The following PPP3CA variants were observed in gnomAD, a reference collection of about 807,000 sequenced individuals.
PPP3CA encodes CAM-PRP catalytic subunit.
Under a neutral mutation model 66.5 loss-of-function variants are expected in PPP3CA, and 14 were observed. That is an observed-to-expected ratio of 0.21 (90% confidence interval 0.14 to 0.33). PPP3CA has a LOEUF of 0.33. PPP3CA is among the 10% of genes least tolerant of loss of function. The pLI is 1.00. For synonymous variants in PPP3CA, 232 were observed against 226.2 expected, an observed-to-expected ratio of 1.03 and a Z score of -0.23; for missense variants, 317 against 639.5, an observed-to-expected ratio of 0.50 and a Z score of 5.44.
At chr4:101,216,505 C>T (rs1725458994) in intron 1 of PPP3CA, among the ~76,000 whole-genome samples, 1 of 152,044 alleles carries the variant, frequency 6.6e-6, no homozygotes, top group Admixed American at 6.6e-5. Context: ...TCAATTGCTA[C>T]AAAAATGGCC....
chr4:101,024,668 C>T lies in PPP3CA; in HGVS notation c.*1197G>A, dbSNP rs529406221. ...GCATTTAGAGTTTCACATGTAACTA[C>T]AAACTTATTATAATTTCACAAGGTT... On this transcript the variant is annotated 3_prime_UTR_variant, in exon 14 of 14. Coordinates refer to ENST00000394854, the MANE Select transcript of PPP3CA (RefSeq NM_000944.5). The T allele has an allele frequency of 6.5e-6, 1 of 152,710 alleles. No individual in the cohort carries two copies. The highest frequency in any genetic ancestry group is 2.4e-5 in the African/African-American group (1 of 41,562). 9.5% of individuals were successfully genotyped at this position (152,710 alleles called of 1,614,324 possible).
Position 101,040,065 on chromosome 4 carries a change from G to A in PPP3CA, c.1241+417C>T, listed in dbSNP as rs531593938. ...AGAATAACATAGATTCACATGAACA[G>A]CTTTATGGCTGATGTTCATTTCCTA... On this transcript the variant is annotated intron_variant, in intron 11 of 13. Coordinates refer to ENST00000394854, the MANE Select transcript of PPP3CA (RefSeq NM_000944.5). Among the ~76,000 whole-genome samples the A allele has an allele frequency of 5.9e-5, 9 of 152,178 alleles. No individual in the cohort carries two copies. In the East Asian group the frequency reaches 1.7e-3, roughly 29 times the overall value.
At chr4:101,310,814 T>A (rs949065381) in intron 1 of PPP3CA, among the ~76,000 whole-genome samples, 4 of 152,150 alleles carry the variant, frequency 2.6e-5, no homozygotes, top group African/African-American at 9.7e-5. Context: ...GAGCAAAGGA[T>A]CTTATTCAAA....
At chr4:101,094,562 T>G (rs766936458) in intron 5 of PPP3CA, among the ~76,000 whole-genome samples, 9 of 152,160 alleles carry the variant, frequency 5.9e-5, no homozygotes, top group South Asian at 2.1e-4. Context: ...TTGATCTTAG[T>G]GGGTACAAAT....
intron 2 of PPP3CA, among the ~76,000 whole-genome samples, chr4:101,159,697 A>C (rs1381776532): frequency 6.6e-6 from 1 of 152,152 alleles, no homozygotes; most frequent in African/African-American, 2.4e-5. Context: ...TTCCCATCCT[A>C]TGTGCTATAT....
At chr4:101,118,498 T>TC (rs1721918873) in intron 2 of PPP3CA, among the ~76,000 whole-genome samples, 1 of 58,946 alleles carries the variant, frequency 1.7e-5, no homozygotes, top group Non-Finnish European at 3.2e-5. Flanking sequence ...TTGCTATTAC[T>TC]CTTCTTCTTC....
chr4:101,264,486 AAAG>A lies in PPP3CA; in HGVS notation c.59-68373_59-68371del, dbSNP rs1265775801. ...TTAACAAAAAGAAAAAATTAAAATA[AAAG>A]AAGGAAGGAAAAACATTTCCTTTGA... On this transcript the variant is annotated intron_variant, in intron 1 of 13. Transcript: ENST00000394854. Among the ~76,000 whole-genome samples the A allele has an allele frequency of 7.9e-5, 12 of 152,314 alleles. No individual in the cohort carries two copies. In the East Asian group the frequency reaches 1.2e-3, roughly 15 times the overall value.
At chr4:101,168,609 C>T (rs2110313191) in intron 2 of PPP3CA, among the ~76,000 whole-genome samples, 1 of 152,228 alleles carries the variant, frequency 6.6e-6, no homozygotes, top group Middle Eastern at 3.4e-3. Flanking sequence ...AAGGAAAAAG[C>T]AGGTGAGCAT....
chr4:101,280,795 G>A (rs146969275), intron 1 of PPP3CA, among the ~76,000 whole-genome samples: 1,530 of 149,598 alleles, frequency 0.01, 26 homozygotes, highest in African/African-American at 0.036. Flanking sequence ...ACTCCAGCCT[G>A]GGTGACAGAG....
chr4:101,325,665 A>G (rs1366040687), intron 1 of PPP3CA, among the ~76,000 whole-genome samples: 2 of 152,194 alleles, frequency 1.3e-5, no homozygotes, highest in Non-Finnish European at 2.9e-5. Context: ...ATGACGGCTA[A>G]CCATATCAAG....
intron 1 of PPP3CA, among the ~76,000 whole-genome samples, chr4:101,262,816 T>C (rs761230770): frequency 6.6e-6 from 1 of 152,134 alleles, no homozygotes; most frequent in Non-Finnish European, 1.5e-5. Flanking sequence ...CTTACTCCCA[T>C]AGTTAGTGGG....
intron 1 of PPP3CA, among the ~76,000 whole-genome samples, chr4:101,255,704 TAAGTA>T (rs1726819644): frequency 1.3e-5 from 2 of 151,974 alleles, no homozygotes; most frequent in Non-Finnish European, 2.9e-5. Context: ...TTTAAAAAAT[TAAGTA>T]ATTGAAGATG....
chr4:101,302,307 T>A (rs1034267028), intron 1 of PPP3CA, among the ~76,000 whole-genome samples: 1 of 152,224 alleles, frequency 6.6e-6, no homozygotes, highest in Non-Finnish European at 1.5e-5. Flanking sequence ...TGCTGATGCA[T>A]CCTCATCTTC....
intron 2 of PPP3CA, among the ~76,000 whole-genome samples, chr4:101,169,640 C>T (rs1171497668): frequency 6.6e-6 from 1 of 152,090 alleles, no homozygotes; most frequent in African/African-American, 2.4e-5. Flanking sequence ...TTGATTTTTA[C>T]CCAGTTCTAT....
intron 1 of PPP3CA, among the ~76,000 whole-genome samples, chr4:101,289,940 G>A (rs1219701278): frequency 1.3e-5 from 2 of 150,738 alleles, no homozygotes; most frequent in African/African-American, 2.4e-5. Context: ...ACATTAAAAT[G>A]GGCTTACATG....
intron 3 of PPP3CA, among the ~76,000 whole-genome samples, chr4:101,107,617 A>G (rs1185065928): frequency 3.3e-5 from 5 of 152,246 alleles, no homozygotes; most frequent in Non-Finnish European, 7.3e-5. Context: ...GGAAATACAT[A>G]TATGTCTACA....
chr4:101,057,583 A>C (rs1028656732), intron 10 of PPP3CA, among the ~76,000 whole-genome samples: 1 of 152,182 alleles, frequency 6.6e-6, no homozygotes, highest in Non-Finnish European at 1.5e-5. Context: ...GTGGGCAGAC[A>C]ATACCACACT....
At chr4:101,053,231 C>T (rs1728085610) in intron 10 of PPP3CA, among the ~76,000 whole-genome samples, 1 of 152,116 alleles carries the variant, frequency 6.6e-6, no homozygotes, top group African/African-American at 2.4e-5. Context: ...TTACGTGCCA[C>T]TGTAAAAATC....
intron 3 of PPP3CA, among the ~76,000 whole-genome samples, chr4:101,100,651 G>T (rs1730404255): frequency 6.6e-6 from 1 of 152,100 alleles, no homozygotes; most frequent in South Asian, 2.1e-4. Context: ...AATCCATAGG[G>T]AACAGAAAAT....
Sources: allele counts gnomAD v4.1 joint callset (sites outside exome capture counted in the v4.1 genomes callset), GRCh38; gene constraint gnomAD v4.1.1; transcripts MANE v1.5; gene names NCBI Gene and HGNC (gene_info 2026-07-23, HGNC 2026-07-21).